Variants in SOD2 observed in about 807,000 individuals in gnomAD.
SOD2 encodes superoxide dismutase 2, also known as superoxide dismutase [Mn], mitochondrial.
A neutral mutation model predicts 27.0 loss-of-function variants in SOD2; 11 were observed. That is an observed-to-expected ratio of 0.41 (90% confidence interval 0.26 to 0.67). The LOEUF (loss-of-function observed/expected upper bound fraction) is 0.67. SOD2 is among the 30% of genes least tolerant of loss of function. The pLI is 0.34. For missense variants in SOD2, 250 were observed against 274.5 expected, an observed-to-expected ratio of 0.91 and a Z score of 0.63; for synonymous variants, 105 against 103.0, an observed-to-expected ratio of 1.02 and a Z score of -0.12.
At chr6:159,755,826 G>A (rs1490438345) in intron 1 of SOD2, 1 of 729,582 alleles carries the variant, frequency 1.4e-6, no homozygotes, top group East Asian at 4.0e-5. Context: ...AATTGTAACA[G>A]TTAATTACTT....
chr6:159,699,760 A>G (rs1055418831), intron 1 of SOD2, among the ~76,000 whole-genome samples: 5 of 152,164 alleles, frequency 3.3e-5, no homozygotes, highest in African/African-American at 1.2e-4. Flanking sequence ...GAGCAAGCAT[A>G]AGGATCTTGG....
In SOD2 at chr6:159,693,205, T is replaced by C; in HGVS notation, c.-38A>G. On this transcript the variant is annotated 5_prime_UTR_variant, in exon 1 of 5. Transcript: ENST00000538183. ...GGTGCTACCGCTGATGCCGCCGATCTGCTGAAGCCGCTGCCGAAGCCACCA... is the reference window on the plus strand; with the variant it reads ...GGTGCTACCGCTGATGCCGCCGATCCGCTGAAGCCGCTGCCGAAGCCACCA... 1.3e-6 allele frequency: 2 copies of C among 1,510,206 alleles called. No homozygotes were observed. The highest frequency in any genetic ancestry group is 8.9e-7 in the Non-Finnish European group (1 of 1,126,242). The allele number at this position is 1,510,206 out of a possible 1,614,324, so 93.6% of individuals were successfully genotyped here. A position where few individuals can be genotyped will look rare whatever the true frequency, so the allele number is the denominator to read the frequency against.
chr6:159,729,789 A>T (rs143194461), upstream of SOD2, among the ~76,000 whole-genome samples: 71 of 152,286 alleles, frequency 4.7e-4, no homozygotes, highest in Middle Eastern at 3.4e-3. Context: ...TCTTACATTC[A>T]GCTATGATTT....
exon 1 of SOD2, chr6:159,762,057 G>A: frequency 6.2e-7 from 1 of 1,611,196 alleles, no homozygotes; most frequent in South Asian, 1.1e-5. Flanking sequence ...CTTGCAGGCA[G>A]CGCAGGGCAG....
At chr6:159,735,821 G>GTAC (rs1452644469) in intron 1 of SOD2, among the ~76,000 whole-genome samples, 1 of 151,990 alleles carries the variant, frequency 6.6e-6, no homozygotes, top group Non-Finnish European at 1.5e-5. Flanking sequence ...GCTGTGGTAG[G>GTAC]TACTACCTTA....
In SOD2 at chr6:159,759,849, T is replaced by C. The variant is rs1469425778; in HGVS notation, c.-336+1188A>G. ...TCAAGATTGGCTCCTAAACTTACTC[T>C]AGATAGAGCCTTCAGGCAGGAAACT... On this transcript the variant is annotated intron_variant, in intron 1 of 7. Transcript: ENST00000546087. Among the ~76,000 whole-genome samples, 9 of 152,180 alleles carry C rather than the reference T, an allele frequency of 5.9e-5. No homozygotes were observed. The South Asian group carries it at 1.0e-3, about 18-fold the overall frequency.
chr6:159,712,739 C>T, intron 1 of SOD2: 1 of 458,680 alleles, frequency 2.2e-6, no homozygotes, highest in Non-Finnish European at 4.3e-6. Flanking sequence ...ACTCACACTA[C>T]TCAGACCACC....
rs1425220255 is a variant in SOD2, at chr6:159,683,839, T to C, written c.523+1015A>G. ...CACTGTCCCAAAAGAGCTGTTCAGA[T>C]TCTGCCAAAATCTGGGTCTATCCTG... On this transcript the variant is annotated intron_variant, in intron 4 of 4. Transcript: ENST00000538183. Among the ~76,000 whole-genome samples the C allele has an allele frequency of 2.6e-5, 4 of 152,092 alleles. No individual in the cohort carries two copies. In the East Asian group the frequency reaches 7.7e-4, roughly 29 times the overall value.
In SOD2 at chr6:159,677,273, CTCCT is replaced by C. The variant is rs1210451207; in HGVS notation, c.*5216_*5219del. ...TCATAGGAACTTGAAAGCATTCGTG[CTCCT>C]TCCTTTTCACAAACTGAGAAATCTT... On this transcript the variant is annotated 3_prime_UTR_variant, in exon 5 of 5. Transcript: ENST00000538183. 2.0e-5 allele frequency: 3 copies of C among 152,120 alleles called. No individual in the cohort carries two copies. The highest frequency in any genetic ancestry group is 2.9e-5 in the Non-Finnish European group (2 of 68,034). The allele number at this position is 152,120 out of a possible 1,614,324, so 9.4% of individuals were successfully genotyped here.
At chr6:159,687,751 G>A (rs1780258530) in intron 3 of SOD2, among the ~76,000 whole-genome samples, 1 of 152,024 alleles carries the variant, frequency 6.6e-6, no homozygotes, top group East Asian at 1.9e-4. Flanking sequence ...GCTCATGCCT[G>A]TAATCCCAGC....
upstream of SOD2, among the ~76,000 whole-genome samples, chr6:159,694,440 C>G (rs1235978788): frequency 6.6e-6 from 1 of 152,084 alleles, no homozygotes; most frequent in Non-Finnish European, 1.5e-5. Flanking sequence ...AATGGGAAAA[C>G]AGTCAGGCGA....
intron 1 of SOD2, among the ~76,000 whole-genome samples, chr6:159,707,843 G>A (rs1218974762): frequency 1.3e-5 from 2 of 152,106 alleles, no homozygotes; most frequent in Non-Finnish European, 2.9e-5. Context: ...CAATATCCCT[G>A]ATGAACATTG....
intron 2 of SOD2, among the ~76,000 whole-genome samples, chr6:159,689,522 T>G (rs1341478685): frequency 6.6e-6 from 1 of 152,176 alleles, no homozygotes; most frequent in African/African-American, 2.4e-5. Context: ...AATCCTCTTG[T>G]TTAATAAATA....
chr6:159,727,034 G>A, intron 1 of SOD2: 8 of 1,228,646 alleles, frequency 6.5e-6, no homozygotes, highest in Non-Finnish European at 8.3e-6. Context: ...GCCGCAGGTG[G>A]CCCCGGCGAG....
intron 1 of SOD2, chr6:159,713,829 C>T (rs1777875661): frequency 2.7e-6 from 3 of 1,106,260 alleles, no homozygotes; most frequent in African/African-American, 1.5e-5. Context: ...AATGCTTCAC[C>T]ACTTGGTCTG....
chr6:159,755,862 TGTA>T (rs919047129), intron 1 of SOD2: 7 of 549,204 alleles, frequency 1.3e-5, no homozygotes, highest in African/African-American at 1.0e-4. Flanking sequence ...GGACATTTTG[TGTA>T]GGGTCAAGTT....
At chr6:159,748,176 T>G (rs760891568), upstream of SOD2, 4 of 1,607,872 alleles carry the variant, frequency 2.5e-6, no homozygotes, top group African/African-American at 5.4e-5. The surrounding 1 kb of genome is among the most constrained non-coding windows in gnomAD (Gnocchi z 5.6). Context: ...TAATTGTTTC[T>G]TTTGCTTTGC....
chr6:159,748,627 AC>A, upstream of SOD2: 2 of 1,286,484 alleles, frequency 1.6e-6, no homozygotes, highest in Non-Finnish European at 2.0e-6. The surrounding 1 kb of genome is among the most constrained non-coding windows in gnomAD (Gnocchi z 5.6). Flanking sequence ...AGAAGTGGCC[AC>A]CTCCGAAAAA....
chr6:159,755,846 C>A, intron 1 of SOD2: 1 of 605,746 alleles, frequency 1.7e-6, no homozygotes. Context: ...TTGAATGTTG[C>A]TAAAAGGACA....
Sources: allele counts gnomAD v4.1 joint callset (sites outside exome capture counted in the v4.1 genomes callset), GRCh38; gene constraint gnomAD v4.1.1; non-coding constraint Gnocchi (gnomAD v3.1); transcripts MANE v1.5; gene names NCBI Gene and HGNC (gene_info 2026-07-23, HGNC 2026-07-21).